The following PARD3 variants were observed in gnomAD, a reference collection of about 807,000 sequenced individuals.
PARD3 encodes the protein par-3 family cell polarity regulator, also known as partitioning defective 3 homolog.
In PARD3, 75 loss-of-function variants were observed where a neutral mutation model predicts 155.4. The ratio of observed to expected loss-of-function variants is 0.48; its 90% CI spans 0.40 to 0.58. PARD3 has a LOEUF of 0.58. Ranked by LOEUF, PARD3 falls within the 20% of genes least tolerant of loss-of-function variation. The pLI is 0.00. For missense variants in PARD3, 1,642 were observed against 1,721.7 expected, an observed-to-expected ratio of 0.95 and a Z score of 0.82; for synonymous variants, 576 against 610.5, an observed-to-expected ratio of 0.94 and a Z score of 0.83.
chr10:34,332,680 G>C (rs951566915), intron 18 of PARD3, among the ~76,000 whole-genome samples: 1 of 152,142 alleles, frequency 6.6e-6, no homozygotes, highest in Non-Finnish European at 1.5e-5. Flanking sequence ...GCAAACACAT[G>C]ATTCTAATGA....
At chr10:34,176,975 GT>G (rs977458923) in intron 22 of PARD3, among the ~76,000 whole-genome samples, 32 of 151,496 alleles carry the variant, frequency 2.1e-4, no homozygotes, top group African/African-American at 7.5e-4. Context: ...GTGTGTCAGG[GT>G]ATGTGTGTGT....
At chr10:34,175,996 A>G (rs569564983) in intron 22 of PARD3, among the ~76,000 whole-genome samples, 1 of 152,368 alleles carries the variant, frequency 6.6e-6, no homozygotes, top group East Asian at 1.9e-4. Context: ...CACACTGAGA[A>G]CAATTCACAA....
intron 2 of PARD3, among the ~76,000 whole-genome samples, chr10:34,554,734 A>G (rs1037224246): frequency 6.6e-6 from 1 of 152,206 alleles, no homozygotes; most frequent in African/African-American, 2.4e-5. Flanking sequence ...CTCATTTTTT[A>G]AAAAATTATC....
rs577435851 is a variant in PARD3 at position 34,465,320 on chromosome 10, A to G, written c.582+4765T>C. Among the ~76,000 whole-genome samples, 182 of 152,076 alleles carry G rather than the reference A, an allele frequency of 1.2e-3. 1 individual carries two copies. The highest frequency in any genetic ancestry group is 7.9e-3 in the South Asian group (38 of 4,806). On this transcript the variant is annotated intron_variant, in intron 4 of 24. Transcript: ENST00000374788. ...AGAGCAAGCTGTATTACTATCAGGG[A>G]AAAAAAAGGGGGTTGGGGAACCTTG...
chr10:34,593,119 A>G (rs530606146), intron 2 of PARD3, among the ~76,000 whole-genome samples: 1 of 152,340 alleles, frequency 6.6e-6, no homozygotes, highest in East Asian at 1.9e-4. Context: ...CAGAAATGTT[A>G]CAGAGCAGAG....
intron 5 of PARD3, among the ~76,000 whole-genome samples, chr10:34,413,855 C>A (rs1048799689): frequency 2.0e-5 from 3 of 152,156 alleles, no homozygotes; most frequent in African/African-American, 7.2e-5. Flanking sequence ...CTAAAAGAAT[C>A]ATTAAACCAT....
intron 19 of PARD3, among the ~76,000 whole-genome samples, chr10:34,326,984 A>C (rs1276775382): frequency 6.6e-6 from 1 of 152,228 alleles, no homozygotes; most frequent in Non-Finnish European, 1.5e-5. Flanking sequence ...CTCAACCTTA[A>C]CAAAAAGCTG....
intron 22 of PARD3, among the ~76,000 whole-genome samples, chr10:34,145,238 T>G (rs1273500342): frequency 7.8e-6 from 1 of 127,878 alleles, no homozygotes; most frequent in Non-Finnish European, 1.7e-5. Context: ...TTTTTTTTTT[T>G]TTTACAGGAT....
At chr10:34,620,416 T>C (rs1287745823) in intron 2 of PARD3, among the ~76,000 whole-genome samples, 3 of 152,232 alleles carry the variant, frequency 2.0e-5, no homozygotes, top group Non-Finnish European at 1.5e-5. Context: ...AGGACCCATT[T>C]TGCAAACAAA....
At chr10:34,635,948 C>T (rs547909262) in intron 2 of PARD3, among the ~76,000 whole-genome samples, 12 of 151,974 alleles carry the variant, frequency 7.9e-5, no homozygotes, top group Admixed American at 2.6e-4. Flanking sequence ...TGGACACCTC[C>T]CACCCCATAT....
At chr10:34,786,031 C>T (rs1840921068) in intron 1 of PARD3, among the ~76,000 whole-genome samples, 2 of 149,206 alleles carry the variant, frequency 1.3e-5, no homozygotes, top group Middle Eastern at 3.4e-3. Context: ...CCCCACCCTG[C>T]GCATCTTCCT....
intron 21 of PARD3, among the ~76,000 whole-genome samples, chr10:34,270,573 C>T (rs555786454): frequency 7.2e-5 from 11 of 152,078 alleles, no homozygotes; most frequent in Non-Finnish European, 1.2e-4. Flanking sequence ...ATTTTTTTAA[C>T]GTTACATACA....
At chr10:34,389,478 C>T (rs1842677229) in intron 7 of PARD3, among the ~76,000 whole-genome samples, 1 of 152,034 alleles carries the variant, frequency 6.6e-6, no homozygotes, top group Non-Finnish European at 1.5e-5. Context: ...AAATTACAAC[C>T]AATGATAAAA....
chr10:34,139,479 A>G (rs1172615185), intron 22 of PARD3, among the ~76,000 whole-genome samples: 2 of 152,142 alleles, frequency 1.3e-5, no homozygotes, highest in Non-Finnish European at 2.9e-5. Flanking sequence ...TCCTTGCCCA[A>G]TTACTAATTC....
intron 1 of PARD3, among the ~76,000 whole-genome samples, chr10:34,744,270 C>T (rs1214841054): frequency 6.6e-6 from 1 of 152,194 alleles, no homozygotes; most frequent in South Asian, 2.1e-4. Context: ...AAATATTTTC[C>T]ATGCAAAATC....
chr10:34,132,197 TG>T (rs1372430316), intron 22 of PARD3, among the ~76,000 whole-genome samples: 2 of 152,214 alleles, frequency 1.3e-5, no homozygotes, highest in Non-Finnish European at 2.9e-5. Flanking sequence ...TAAGTTCAAG[TG>T]GTAGTTTCAT....
intron 2 of PARD3, among the ~76,000 whole-genome samples, chr10:34,635,162 C>T (rs777061861): frequency 3.9e-5 from 6 of 152,224 alleles, no homozygotes; most frequent in South Asian, 2.1e-4. Flanking sequence ...AGAAATGCAG[C>T]GACGTGTTCA....
rs118126297 is a variant in PARD3 at position 34,227,057 on chromosome 10, A to T, written c.3419+42600T>A. On this transcript the variant is annotated intron_variant, in intron 22 of 24. Coordinates refer to ENST00000374788, the MANE Select transcript of PARD3 (RefSeq NM_001184785.2). ...AAACAGCTTCCGCGCAACAAAAGAA[A>T]CTATCAACAGAGTAAACACACAACC... Among the ~76,000 whole-genome samples, 54 of 152,362 alleles carry T rather than the reference A, an allele frequency of 3.5e-4. No homozygotes were observed. The East Asian group carries it at 7.9e-3, about 22-fold the overall frequency.
chr10:34,451,890 A>C (rs2077081315), intron 4 of PARD3, among the ~76,000 whole-genome samples: 1 of 152,154 alleles, frequency 6.6e-6, no homozygotes, highest in African/African-American at 2.4e-5. Flanking sequence ...TCTCTCCTTA[A>C]AACTTAAGCT....
Sources: gnomAD v4.1 joint callset for allele counts (sites outside exome capture counted in the v4.1 genomes callset) on GRCh38, gnomAD v4.1.1 for gene constraint, MANE v1.5 for transcripts, NCBI Gene and HGNC (gene_info 2026-07-23, HGNC 2026-07-21) for gene names.